The following CDKAL1 variants were observed in gnomAD, a reference collection of about 807,000 sequenced individuals.
CDKAL1 encodes the protein CDKAL1 threonylcarbamoyladenosine tRNA methylthiotransferase.
Under a neutral mutation model 68.2 loss-of-function variants are expected in CDKAL1, and 32 were observed. The observed-to-expected ratio is 0.47, with a 90% confidence interval of 0.35 to 0.63. The LOEUF (loss-of-function observed/expected upper bound fraction) is 0.63. CDKAL1 is among the 30% of genes least tolerant of loss of function. The probability of loss-of-function intolerance (pLI) is 0.00; values close to 1 mark genes in which losing one functional copy is unlikely to be tolerated. For missense variants in CDKAL1, 606 were observed against 696.7 expected (o/e 0.87, Z 1.47); for synonymous variants, 234 against 244.3 (o/e 0.96, Z 0.39).
At chr6:20,862,717 C>T (rs1759710879) in intron 9 of CDKAL1, among the ~76,000 whole-genome samples, 1 of 152,096 alleles carries the variant, frequency 6.6e-6, no homozygotes, top group Non-Finnish European at 1.5e-5. Context: ...ATAGCTATGC[C>T]TGGGCTTCAT....
intron 11 of CDKAL1, among the ~76,000 whole-genome samples, chr6:21,017,989 G>A (rs1414802185): frequency 6.6e-6 from 1 of 152,056 alleles, no homozygotes; most frequent in Non-Finnish European, 1.5e-5. Flanking sequence ...AAATAATATT[G>A]TGTTACAAAA....
intron 5 of CDKAL1, among the ~76,000 whole-genome samples, chr6:20,727,034 G>T (rs777136477): frequency 2.0e-5 from 3 of 152,164 alleles, no homozygotes; most frequent in Admixed American, 6.5e-5. Flanking sequence ...GTCTAATCAA[G>T]TGGCCTGGGT....
At chr6:21,125,832 C>T (rs73383751) in intron 13 of CDKAL1, among the ~76,000 whole-genome samples, 1,620 of 152,336 alleles carry the variant, frequency 0.011, 23 homozygotes, top group African/African-American at 0.036. Context: ...ACTCTCAGCT[C>T]CTCTGGGGAG....
chr6:21,205,735 G>T (rs1442224854), intron 15 of CDKAL1, among the ~76,000 whole-genome samples: 15 of 149,152 alleles, frequency 1.0e-4, no homozygotes, highest in Non-Finnish European at 5.9e-5. Flanking sequence ...GTTTCACTGT[G>T]TTAGCCAGGA....
intron 13 of CDKAL1, among the ~76,000 whole-genome samples, chr6:21,128,614 A>G (rs114970086): frequency 0.012 from 1,757 of 152,332 alleles, 44 homozygotes; most frequent in African/African-American, 0.039. Context: ...TTAGAAATAT[A>G]TAACAAGATA....
intron 15 of CDKAL1, among the ~76,000 whole-genome samples, chr6:21,214,621 C>A (rs1394667725): frequency 6.6e-6 from 1 of 152,078 alleles, no homozygotes; most frequent in South Asian, 2.1e-4. Context: ...AGTGAGGTCA[C>A]CCTGGGCAGT....
At chr6:20,680,928 G>A (rs560154632) in intron 5 of CDKAL1, among the ~76,000 whole-genome samples, 1 of 152,306 alleles carries the variant, frequency 6.6e-6, no homozygotes, top group Admixed American at 6.5e-5. Context: ...TCAGTTTCCT[G>A]ACATCAGGAT....
At chr6:21,034,393 T>C (rs1769462422) in intron 11 of CDKAL1, among the ~76,000 whole-genome samples, 1 of 152,196 alleles carries the variant, frequency 6.6e-6, no homozygotes, top group Non-Finnish European at 1.5e-5. Flanking sequence ...GCCATCTTTG[T>C]CTTATCACTG....
chr6:20,676,408 C>T (rs1412934680), intron 5 of CDKAL1, among the ~76,000 whole-genome samples: 1 of 152,126 alleles, frequency 6.6e-6, no homozygotes, highest in African/African-American at 2.4e-5. Flanking sequence ...TGGCTCATGC[C>T]TGTAATCCCA....
chr6:21,062,234 A>G (rs539990247), intron 11 of CDKAL1, among the ~76,000 whole-genome samples: 7 of 152,322 alleles, frequency 4.6e-5, no homozygotes, highest in African/African-American at 1.7e-4. Context: ...AGTATTTCCC[A>G]TGCAGTTTCT....
chr6:20,869,461 A>G lies in CDKAL1; in HGVS notation c.742+23283A>G, dbSNP rs143650320. Reference sequence around the variant, plus strand: ...TTTTTAACGTGTGTGTTTTATTTCTACAGGCCGATGTAGTTTTTGTCTCAA... The same window carrying G: ...TTTTTAACGTGTGTGTTTTATTTCTGCAGGCCGATGTAGTTTTTGTCTCAA... On this transcript the variant is annotated intron_variant, in intron 9 of 15. Transcript: ENST00000274695. Among the ~76,000 whole-genome samples the G allele has an allele frequency of 9.1e-4, 138 of 152,326 alleles. 2 individuals are homozygous for G. The East Asian group carries it at 0.022, about 24-fold the overall frequency.
At chr6:21,174,748 A>G (rs1202245711) in intron 13 of CDKAL1, among the ~76,000 whole-genome samples, 2 of 152,114 alleles carry the variant, frequency 1.3e-5, no homozygotes, top group African/African-American at 4.8e-5. Context: ...ATATATATAT[A>G]TATGAAAATC....
chr6:20,817,930 G>A (rs1460686955), intron 8 of CDKAL1, among the ~76,000 whole-genome samples: 2 of 152,234 alleles, frequency 1.3e-5, no homozygotes, highest in East Asian at 3.9e-4. Context: ...GTATTAGCAT[G>A]ATTGTAGCCT....
At chr6:20,705,038 A>G (rs1771535540) in intron 5 of CDKAL1, among the ~76,000 whole-genome samples, 1 of 152,246 alleles carries the variant, frequency 6.6e-6, no homozygotes, top group Non-Finnish European at 1.5e-5. Flanking sequence ...TAGAAGTAGA[A>G]TGATAATTAA....
At chr6:20,784,792 T>A (rs115959679) in intron 8 of CDKAL1, among the ~76,000 whole-genome samples, 2,183 of 152,254 alleles carry the variant, frequency 0.014, 43 homozygotes, top group African/African-American at 0.05. Context: ...GAGGGCTGCC[T>A]GCACTCAATA....
At chr6:21,110,716 TG>T (rs1774078674) in intron 13 of CDKAL1, among the ~76,000 whole-genome samples, 2 of 152,304 alleles carry the variant, frequency 1.3e-5, no homozygotes, top group South Asian at 2.1e-4. Flanking sequence ...CCCAGCACTC[TG>T]GGAGTCTGAA....
At chr6:21,227,896 A>G (rs1015751864) in intron 15 of CDKAL1, among the ~76,000 whole-genome samples, 1 of 152,232 alleles carries the variant, frequency 6.6e-6, no homozygotes, top group Non-Finnish European at 1.5e-5. Context: ...TCAGAAGTCA[A>G]AGAGTTTTGC....
chr6:20,921,406 G>A (rs1762951002), intron 9 of CDKAL1, among the ~76,000 whole-genome samples: 1 of 152,176 alleles, frequency 6.6e-6, no homozygotes, highest in Admixed American at 6.5e-5. Flanking sequence ...CACCCTGGGA[G>A]GCTGAGCAAG....
intron 9 of CDKAL1, among the ~76,000 whole-genome samples, chr6:20,946,281 G>A (rs1477319862): frequency 6.6e-6 from 1 of 152,098 alleles, no homozygotes; most frequent in African/African-American, 2.4e-5. Flanking sequence ...GGGAACTGCA[G>A]GCATACTCAT....
Sources: gnomAD v4.1 joint callset for allele counts (sites outside exome capture counted in the v4.1 genomes callset) on GRCh38, gnomAD v4.1.1 for gene constraint, MANE v1.5 for transcripts, NCBI Gene and HGNC (gene_info 2026-07-23, HGNC 2026-07-21) for gene names.